Variants in SGIP1 observed in about 807,000 individuals in gnomAD.
SGIP1 encodes SH3GL interacting endocytic adaptor 1.
In SGIP1, 38 loss-of-function variants were observed where a neutral mutation model predicts 107.5. The ratio of observed to expected loss-of-function variants is 0.35; its 90% CI spans 0.27 to 0.46. The LOEUF (loss-of-function observed/expected upper bound fraction) is 0.46, where lower values mean the gene tolerates loss of function less well. Ranked by LOEUF, SGIP1 falls within the 20% of genes least tolerant of loss-of-function variation. The probability of loss-of-function intolerance (pLI) is 1.00; values close to 1 mark genes in which losing one functional copy is unlikely to be tolerated. For synonymous variants in SGIP1, 365 were observed against 366.1 expected (o/e 1.00, Z 0.03); for missense variants, 929 against 1,019.5 (o/e 0.91, Z 1.21).
At chr1:66,629,497 A>T (rs1238671678) in intron 2 of SGIP1, among the ~76,000 whole-genome samples, 3 of 152,200 alleles carry the variant, frequency 2.0e-5, no homozygotes, top group African/African-American at 7.2e-5. Flanking sequence ...TTCTAGTCTA[A>T]AATCCAGTGT....
At chr1:66,608,914 T>G (rs926306825) in intron 1 of SGIP1, among the ~76,000 whole-genome samples, 12 of 152,206 alleles carry the variant, frequency 7.9e-5, no homozygotes, top group Non-Finnish European at 1.5e-5. Flanking sequence ...CAAGTGTAGA[T>G]TAGCAAGTAA....
chr1:66,700,692 C>T (rs951442253), intron 18 of SGIP1, among the ~76,000 whole-genome samples: 1 of 151,994 alleles, frequency 6.6e-6, no homozygotes, highest in Admixed American at 6.6e-5. Context: ...GGGTTGTGAA[C>T]ATTCAAAATC....
At chr1:66,577,724 T>A (rs1486726452) in intron 1 of SGIP1, among the ~76,000 whole-genome samples, 1 of 151,852 alleles carries the variant, frequency 6.6e-6, no homozygotes, top group Non-Finnish European at 1.5e-5. Flanking sequence ...ATACACTAAT[T>A]ATCAGTTTAG....
At chr1:66,563,704 C>G (rs1456484112) in intron 1 of SGIP1, among the ~76,000 whole-genome samples, 1 of 151,828 alleles carries the variant, frequency 6.6e-6, no homozygotes, top group Non-Finnish European at 1.5e-5. Flanking sequence ...GTTCCCCCAC[C>G]CCCCTCCACC....
chr1:66,634,414 A>G (rs1279251990), intron 3 of SGIP1, among the ~76,000 whole-genome samples: 1 of 152,136 alleles, frequency 6.6e-6, no homozygotes, highest in Non-Finnish European at 1.5e-5. Context: ...TGTTCTGAGC[A>G]GCACCAACTT....
At position 66,719,396 on chromosome 1, in the gene SGIP1, A is replaced by G. The variant is rs1292473241; in HGVS notation, c.1733A>G (p.Asp578Gly). The part of the protein sequence containing the change: ...ETVNAYFKGA[D>G]PSKCIVKITG... Reference sequence around the variant, plus strand: ...GTCAATGCCTATTTCAAAGGAGCAGACCCAAGCAAGTAAGCCTGATACTTG... The same window carrying G: ...GTCAATGCCTATTTCAAAGGAGCAGGCCCAAGCAAGTAAGCCTGATACTTG... Residue 578 changes from aspartate to glycine, a missense_variant, in exon 19 of 25, where the codon GAC becomes GGC. Around this residue, in one of 2 missense-constraint regions of SGIP1, gnomAD observed 341 missense variants for 430.9 expected, o/e 0.79. Coordinates refer to ENST00000371037, the MANE Select transcript of SGIP1 (RefSeq NM_032291.4). The G allele has an allele frequency of 6.2e-7, 1 of 1,612,852 alleles. No individual in the cohort carries two copies. Among genetic ancestry groups the G allele is most frequent in the Admixed American group, 1.7e-5 (1 of 59,928 alleles).
chr1:66,597,234 C>CT (rs1351352580), intron 1 of SGIP1, among the ~76,000 whole-genome samples: 2 of 152,200 alleles, frequency 1.3e-5, no homozygotes, highest in African/African-American at 4.8e-5. Context: ...AAGTAGGCCC[C>CT]AATGTCTATT....
intron 1 of SGIP1, among the ~76,000 whole-genome samples, chr1:66,605,830 G>A (rs1168714640): frequency 5.3e-5 from 8 of 152,096 alleles, no homozygotes; most frequent in African/African-American, 7.2e-5. Flanking sequence ...TCAATTAGCC[G>A]TGTCTTGAGA....
intron 1 of SGIP1, among the ~76,000 whole-genome samples, chr1:66,573,643 C>A (rs1428415063): frequency 6.6e-6 from 1 of 152,108 alleles, no homozygotes; most frequent in African/African-American, 2.4e-5. Context: ...TTATCCTTCG[C>A]AAACTAATGC....
intron 3 of SGIP1, 70 bp downstream of exon 3, chr1:66,633,164 C>A (rs777280936): frequency 1.1e-4 from 119 of 1,088,436 alleles, no homozygotes; most frequent in Non-Finnish European, 1.6e-4. Context: ...TTTCTCAAAG[C>A]CCTTTTTTTT....
intron 18 of SGIP1, among the ~76,000 whole-genome samples, chr1:66,695,705 G>T (rs1571940817): frequency 6.6e-6 from 1 of 152,242 alleles, no homozygotes; most frequent in East Asian, 1.9e-4. Flanking sequence ...ATTAAAAAAA[G>T]TTCAAGCTAA....
At chr1:66,589,622 T>C (rs898797566) in intron 1 of SGIP1, among the ~76,000 whole-genome samples, 2 of 152,088 alleles carry the variant, frequency 1.3e-5, no homozygotes, top group African/African-American at 4.8e-5. Flanking sequence ...AAAAACACTC[T>C]CCTGATGCCA....
Position 66,682,113 on chromosome 1 carries a change from C to T in SGIP1, c.1059C>T (p.Gly353=), listed in dbSNP as rs765064876. ...ACTCCCCAGCTCCAGGCCCTCTCGG[C>T]CCCCCAGGTCCCACAGGCCCCCCAG... ...PADSPAPGPL[G]PPGPTGPPGP... Residue 353 remains glycine, a synonymous_variant, in exon 15 of 25, where the codon GGC becomes GGT. Transcript: ENST00000371037. The T allele has an allele frequency of 5.0e-6, 8 of 1,613,622 alleles. No individual in the cohort carries two copies. Among genetic ancestry groups the T allele is most frequent in the Non-Finnish European group, 6.8e-6 (8 of 1,179,764 alleles).
At chr1:66,568,779 T>C (rs1259696963) in intron 1 of SGIP1, among the ~76,000 whole-genome samples, 1 of 151,992 alleles carries the variant, frequency 6.6e-6, no homozygotes, top group Non-Finnish European at 1.5e-5. Flanking sequence ...CATGATTATC[T>C]CAATAGATGC....
intron 1 of SGIP1, among the ~76,000 whole-genome samples, chr1:66,581,651 G>A (rs769606073): frequency 4.0e-5 from 6 of 151,842 alleles, no homozygotes; most frequent in Admixed American, 6.6e-5. Context: ...TTTGCCTGTC[G>A]CATCCTCAGC....
chr1:66,734,616 T>C (rs749778003), intron 21 of SGIP1, among the ~76,000 whole-genome samples: 5 of 151,540 alleles, frequency 3.3e-5, no homozygotes, highest in Non-Finnish European at 7.4e-5. Context: ...GCGATTCTCC[T>C]GCCTCAGCCT....
chr1:66,549,891 C>A (rs1479216568), intron 1 of SGIP1, among the ~76,000 whole-genome samples: 1 of 152,146 alleles, frequency 6.6e-6, no homozygotes, highest in Non-Finnish European at 1.5e-5. Flanking sequence ...GATCTTATTG[C>A]TCCATCTCCT....
intron 18 of SGIP1, among the ~76,000 whole-genome samples, chr1:66,708,991 CTGTT>C (rs1370550269): frequency 6.6e-6 from 1 of 151,074 alleles, no homozygotes; most frequent in African/African-American, 2.4e-5. Flanking sequence ...ATTTTTTTTT[CTGTT>C]TGTTTTTGTT....
intron 2 of SGIP1, among the ~76,000 whole-genome samples, chr1:66,630,673 A>G (rs765269007): frequency 4.7e-5 from 7 of 150,366 alleles, no homozygotes; most frequent in Admixed American, 1.3e-4. Context: ...GGGCGTGGTG[A>G]TGCATGCCTA....
Sources: gnomAD v4.1 joint callset for allele counts (sites outside exome capture counted in the v4.1 genomes callset) on GRCh38, gnomAD v4.1.1 for gene constraint, gnomAD v4.1.1 regional missense constraint, MANE v1.5 for transcripts, NCBI Gene and HGNC (gene_info 2026-07-23, HGNC 2026-07-21) for gene names.